The following GABRB2 variants were observed in gnomAD, a reference collection of about 807,000 sequenced individuals.
GABRB2 encodes the protein gamma-aminobutyric acid receptor subunit beta-2.
GABRB2 carries 16 observed loss-of-function variants against 54.7 expected under a neutral mutation model. That is an observed-to-expected ratio of 0.29 (90% CI 0.20 to 0.44). The LOEUF (loss-of-function observed/expected upper bound fraction) is 0.44. GABRB2 is among the 20% of genes least tolerant of loss of function. The pLI, the probability that GABRB2 is intolerant of heterozygous loss-of-function variation, is 1.00. For synonymous variants in GABRB2, 244 were observed against 233.8 expected (o/e 1.04, Z -0.40); for missense variants, 355 against 644.0 (o/e 0.55, Z 4.86).
chr5:161,460,756 AG>A (rs1260938312), intron 3 of GABRB2, among the ~76,000 whole-genome samples: 2 of 152,274 alleles, frequency 1.3e-5, no homozygotes, highest in East Asian at 3.9e-4. Flanking sequence ...GCCTGCTCTC[AG>A]GGAATTTAAA....
chr5:161,395,564 G>T (rs552510560), intron 5 of GABRB2, among the ~76,000 whole-genome samples: 1 of 152,074 alleles, frequency 6.6e-6, no homozygotes, highest in East Asian at 1.9e-4. Context: ...TATAAGTATC[G>T]CAATTGTGCA....
intron 9 of GABRB2, among the ~76,000 whole-genome samples, chr5:161,296,536 G>C (rs1335166878): frequency 1.3e-5 from 2 of 152,138 alleles, no homozygotes; most frequent in African/African-American, 4.8e-5. Context: ...TTTGCCTAAA[G>C]CTTAAAACAA....
At chr5:161,315,218 T>A (rs951804324) in intron 9 of GABRB2, among the ~76,000 whole-genome samples, 1 of 152,246 alleles carries the variant, frequency 6.6e-6, no homozygotes, top group Non-Finnish European at 1.5e-5. Flanking sequence ...TAAATATGTT[T>A]ACAAAATTTA....
At position 161,292,755 on chromosome 5, in the gene GABRB2, T is replaced by C. The variant is rs989265509; in HGVS notation, c.*1326A>G. The C allele has an allele frequency of 1.3e-5, 2 of 152,170 alleles. No individual in the cohort carries two copies. Among genetic ancestry groups the C allele is most frequent in the African/African-American group, 4.8e-5 (2 of 41,444 alleles). 9.4% of individuals were successfully genotyped at this position (152,170 alleles called of 1,614,324 possible). On this transcript the variant is annotated 3_prime_UTR_variant, in exon 10 of 10. Coordinates refer to ENST00000393959, the MANE Select transcript of GABRB2 (RefSeq NM_001371727.1). ...AACCAATGAATGCACAAATTAACTC[T>C]CTGTGTGTTCATACTCCTTGAAGTA...
chr5:161,398,001 G>A (rs1215112578), intron 5 of GABRB2, among the ~76,000 whole-genome samples: 1 of 146,538 alleles, frequency 6.8e-6, no homozygotes, highest in African/African-American at 2.5e-5. Flanking sequence ...TTGATAGACA[G>A]AGGTAGATAG....
At chr5:161,381,178 T>C (rs1755454840) in intron 5 of GABRB2, among the ~76,000 whole-genome samples, 1 of 152,144 alleles carries the variant, frequency 6.6e-6, no homozygotes, top group Non-Finnish European at 1.5e-5. Flanking sequence ...TGAGTGACCA[T>C]GGGTAAGTCA....
intron 5 of GABRB2, among the ~76,000 whole-genome samples, chr5:161,363,734 G>T (rs1754890869): frequency 6.6e-6 from 1 of 151,960 alleles, no homozygotes; most frequent in African/African-American, 2.4e-5. Context: ...GGGTTAGAAA[G>T]CAATCATTCT....
chr5:161,301,233 C>A (rs1757528500), intron 9 of GABRB2, among the ~76,000 whole-genome samples: 1 of 152,066 alleles, frequency 6.6e-6, no homozygotes, highest in Non-Finnish European at 1.5e-5. Flanking sequence ...CTTCTCTGTA[C>A]CAGGCTATAT....
rs148156632 is a variant in GABRB2, at chr5:161,359,663, A to G, written c.542-22894T>C. On this transcript the variant is annotated intron_variant, in intron 5 of 9. Coordinates refer to ENST00000393959, the MANE Select transcript of GABRB2 (RefSeq NM_001371727.1). ...TTATGTCTTAATACAATAAAACTACAAATGAATTATTTTTATCCTCTCTCT... is the reference window on the plus strand; with the variant it reads ...TTATGTCTTAATACAATAAAACTACGAATGAATTATTTTTATCCTCTCTCT... Among the ~76,000 whole-genome samples, 487 of 152,318 alleles carry G rather than the reference A, an allele frequency of 3.2e-3. 1 individual carries two copies. Among genetic ancestry groups the G allele is most frequent in the African/African-American group, 0.01 (433 of 41,568 alleles).
chr5:161,389,895 C>T lies in GABRB2; in HGVS notation c.541+21080G>A, dbSNP rs547116836. On this transcript the variant is annotated intron_variant, in intron 5 of 9. Coordinates refer to ENST00000393959, the MANE Select transcript of GABRB2 (RefSeq NM_001371727.1). Reference sequence around the variant, plus strand: ...GAGTCAGAAATTATGAGCTGTGCAACTGGGAACTTACCTAAATTTTTCATG... The same window carrying T: ...GAGTCAGAAATTATGAGCTGTGCAATTGGGAACTTACCTAAATTTTTCATG... Among the ~76,000 whole-genome samples the T allele has an allele frequency of 7.2e-5, 11 of 151,824 alleles. No homozygotes were observed. The South Asian group carries it at 2.3e-3, about 31-fold the overall frequency.
chr5:161,409,549 A>T (rs1313083809), intron 5 of GABRB2, among the ~76,000 whole-genome samples: 2 of 152,106 alleles, frequency 1.3e-5, no homozygotes, highest in Non-Finnish European at 2.9e-5. Context: ...TACAACTGTG[A>T]TTATTTGATA....
intron 3 of GABRB2, among the ~76,000 whole-genome samples, chr5:161,543,969 T>C (rs1210702598): frequency 6.6e-6 from 1 of 152,222 alleles, no homozygotes; most frequent in Non-Finnish European, 1.5e-5. Context: ...CAGAATTCCC[T>C]TGCATACTCA....
At chr5:161,495,053 G>A (rs975158058) in intron 3 of GABRB2, among the ~76,000 whole-genome samples, 1 of 151,926 alleles carries the variant, frequency 6.6e-6, no homozygotes. Context: ...TGTTGTGATT[G>A]TTTTTAGTTA....
At position 161,385,948 on chromosome 5, in the gene GABRB2, GTGTGTGTGTGTGTGT is replaced by G. The variant is rs1755616296; in HGVS notation, c.541+25012_541+25026del. ...TTTAGTAACTGTTACCTATTGTCTG[GTGTGTGTGTGTGTGT>G]GTGTGTGTGTGTGTGTGTGTGTGTG... On this transcript the variant is annotated intron_variant, in intron 5 of 9. Transcript: ENST00000393959. Among the ~76,000 whole-genome samples, 160 of 108,342 alleles carry G rather than the reference GTGTGTGTGTGTGTGT, an allele frequency of 1.5e-3. 1 individual carries two copies. The highest frequency in any genetic ancestry group is 0.012 in the South Asian group (36 of 3,092). 71.1% of individuals were successfully genotyped at this position (108,342 alleles called of 152,430 possible).
chr5:161,310,809 C>T (rs1236530393), intron 9 of GABRB2, among the ~76,000 whole-genome samples: 1 of 148,310 alleles, frequency 6.7e-6, no homozygotes, highest in Non-Finnish European at 1.5e-5. Flanking sequence ...GTCGCCCAGG[C>T]TGGAGTGCAG....
intron 3 of GABRB2, among the ~76,000 whole-genome samples, chr5:161,511,506 A>G (rs532845863): frequency 6.6e-6 from 1 of 152,146 alleles, no homozygotes; most frequent in African/African-American, 2.4e-5. Context: ...TGGAATAAAA[A>G]ATATATCCAA....
chr5:161,317,302 A>T (rs755549903), intron 9 of GABRB2, among the ~76,000 whole-genome samples: 8 of 152,184 alleles, frequency 5.3e-5, no homozygotes, highest in Non-Finnish European at 1.0e-4. Context: ...TGCCCCATAA[A>T]TTTATACAAA....
chr5:161,448,097 G>A (rs1388904495), intron 4 of GABRB2, among the ~76,000 whole-genome samples: 1 of 152,040 alleles, frequency 6.6e-6, no homozygotes, highest in Admixed American at 6.6e-5. Flanking sequence ...AGGTTATTTG[G>A]GTAATTTCTT....
intron 2 of GABRB2, 136 bp from the exon 3 acceptor site, chr5:161,545,430 T>A: frequency 4.7e-6 from 2 of 428,548 alleles, no homozygotes; most frequent in Non-Finnish European, 7.7e-6. Context: ...TTCTCTGCTT[T>A]TTTTGTTAAA....
Sources: gnomAD v4.1 joint callset for allele counts (sites outside exome capture counted in the v4.1 genomes callset) on GRCh38, gnomAD v4.1.1 for gene constraint, MANE v1.5 for transcripts, NCBI Gene and HGNC (gene_info 2026-07-23, HGNC 2026-07-21) for gene names.